Variants in LRRC8C observed in about 807,000 individuals in gnomAD.
LRRC8C encodes the protein leucine rich repeat containing 8 VRAC subunit C.
In LRRC8C, 20 loss-of-function variants were observed where a neutral mutation model predicts 55.3. The ratio of observed to expected loss-of-function variants is 0.36; its 90% CI spans 0.25 to 0.53. The LOEUF (loss-of-function observed/expected upper bound fraction) is 0.53, where lower values mean the gene tolerates loss of function less well. LRRC8C is among the 20% of genes least tolerant of loss of function. The pLI is 0.92. For synonymous variants in LRRC8C, 376 were observed against 360.7 expected, an observed-to-expected ratio of 1.04 and a Z score of -0.48; for missense variants, 659 against 951.4, an observed-to-expected ratio of 0.69 and a Z score of 4.04.
the LRRC8C span, among the ~76,000 whole-genome samples, chr1:89,617,823 G>T: frequency 9.9e-5 from 15 of 152,062 alleles, no homozygotes; most frequent in African/African-American, 3.4e-4. Context: ...CAGAACTCAA[G>T]AAAGCACAGA....
chr1:89,707,349 G>A (rs2101344392), intron 2 of LRRC8C, among the ~76,000 whole-genome samples: 1 of 152,126 alleles, frequency 6.6e-6, no homozygotes. Context: ...GGAGGTTGCA[G>A]TGAGCTGAGA....
In LRRC8C at chr1:89,714,831, T is replaced by C; in HGVS notation, c.2261T>C (p.Leu754Pro). The change falls in exon 3 of 3, where the codon CTT becomes CCT. Residue 754 changes from leucine to proline, a missense_variant. Leu to Pro is a moderately conservative substitution (Grantham distance 98, BLOSUM62 -3). This residue lies in a region of LRRC8C where 344 missense variants were observed against 464.6 expected (regional missense o/e 0.74). Coordinates refer to ENST00000370454, the MANE Select transcript of LRRC8C (RefSeq NM_032270.5). This position sits in a 1 kb window ranked among gnomAD's most constrained non-coding sequence, Gnocchi z 4.6. Reference protein sequence around the residue: ...LSPKIGNLLFLSYLDVKGNHF... With the variant: ...LSPKIGNLLFPSYLDVKGNHF... ...CCGAAAATTGGAAATTTGCTATTTC[T>C]TTCCTACTTAGATGTAAAAGGTAAT... 6.2e-7 allele frequency: 1 copy of C among 1,614,162 alleles called. No individual in the cohort carries two copies. The highest frequency in any genetic ancestry group is 8.5e-7 in the Non-Finnish European group (1 of 1,180,010).
upstream of LRRC8C, chr1:89,632,608 A>C (rs1301090705): frequency 6.6e-6 from 1 of 152,236 alleles, no homozygotes; most frequent in African/African-American, 2.4e-5. Flanking sequence ...CCTTCGGAGG[A>C]GTTCCCAGAA....
chr1:89,706,571 C>T (rs1179783911), intron 2 of LRRC8C, among the ~76,000 whole-genome samples: 1 of 152,086 alleles, frequency 6.6e-6, no homozygotes, highest in Non-Finnish European at 1.5e-5. Flanking sequence ...TATTAAAAGG[C>T]CCGAATTTCA....
At chr1:89,618,924 G>A in the LRRC8C span, among the ~76,000 whole-genome samples, 3 of 152,136 alleles carry the variant, frequency 2.0e-5, no homozygotes, top group African/African-American at 4.8e-5. Flanking sequence ...AACTGTTTCT[G>A]TTTTAAAATT....
At chr1:89,649,473 A>G (rs1172643384) in intron 1 of LRRC8C, among the ~76,000 whole-genome samples, 3 of 152,118 alleles carry the variant, frequency 2.0e-5, no homozygotes, top group African/African-American at 7.2e-5. Context: ...AACTCCAAAC[A>G]TTCCTTCTGT....
intron 1 of LRRC8C, among the ~76,000 whole-genome samples, chr1:89,679,590 C>T (rs533421814): frequency 2.0e-5 from 3 of 152,130 alleles, no homozygotes; most frequent in African/African-American, 7.2e-5. Flanking sequence ...GGAATTAGAA[C>T]TGACCATTGG....
intron 1 of LRRC8C, among the ~76,000 whole-genome samples, chr1:89,649,935 AAAC>A (rs979162252): frequency 6.6e-6 from 1 of 152,204 alleles, no homozygotes; most frequent in Non-Finnish European, 1.5e-5. Context: ...AACACAGGAC[AAAC>A]TTTTGTGACC....
the LRRC8C span, chr1:89,624,792 G>A: frequency 6.6e-6 from 1 of 152,254 alleles, no homozygotes; most frequent in East Asian, 1.9e-4. Context: ...ATGTTGATAG[G>A]TGTAATAAAG....
intron 1 of LRRC8C, among the ~76,000 whole-genome samples, 151 bp downstream of exon 1, chr1:89,633,473 C>A: frequency 6.6e-6 from 1 of 152,332 alleles, no homozygotes; most frequent in East Asian, 1.9e-4. Context: ...TGTGGTTGCC[C>A]GCCCGGCGTG....
the LRRC8C span, among the ~76,000 whole-genome samples, chr1:89,617,973 T>A: frequency 6.6e-6 from 1 of 152,286 alleles, no homozygotes; most frequent in East Asian, 1.9e-4. Flanking sequence ...TTGGTATAAC[T>A]ATATGTTCAC....
intron 1 of LRRC8C, among the ~76,000 whole-genome samples, chr1:89,652,195 A>G (rs1656808876): frequency 6.6e-6 from 1 of 152,348 alleles, no homozygotes; most frequent in African/African-American, 2.4e-5. Context: ...AGATAAAACA[A>G]TGGGAAAAGA....
the LRRC8C span, among the ~76,000 whole-genome samples, chr1:89,619,014 A>ACC: frequency 6.6e-6 from 1 of 152,236 alleles, no homozygotes; most frequent in Non-Finnish European, 1.5e-5. Flanking sequence ...TACTCTGTAG[A>ACC]TCACAAATTT....
chr1:89,658,411 G>T (rs747823097), intron 1 of LRRC8C, among the ~76,000 whole-genome samples: 12 of 152,098 alleles, frequency 7.9e-5, no homozygotes, highest in Non-Finnish European at 1.6e-4. Flanking sequence ...ATCTAAAAAA[G>T]GCTTTAAAAA....
chr1:89,693,726 C>G (rs1044270185), intron 2 of LRRC8C, among the ~76,000 whole-genome samples: 1 of 133,778 alleles, frequency 7.5e-6, no homozygotes, highest in South Asian at 2.4e-4. Context: ...GGCGCGGTCT[C>G]GGCTCACTGC....
intron 1 of LRRC8C, among the ~76,000 whole-genome samples, chr1:89,652,516 G>A (rs1656819174): frequency 1.3e-5 from 2 of 152,152 alleles, no homozygotes; most frequent in South Asian, 4.1e-4. Flanking sequence ...GAACAGAGTT[G>A]GGGCTCTCTG....
At chr1:89,702,353 C>T (rs1216578668) in intron 2 of LRRC8C, among the ~76,000 whole-genome samples, 2 of 151,820 alleles carry the variant, frequency 1.3e-5, no homozygotes, top group Non-Finnish European at 2.9e-5. Context: ...AACACAGATT[C>T]ATGCAAGATG....
At position 89,656,099 on chromosome 1, in the gene LRRC8C, A is replaced by G. The variant is rs908543106; in HGVS notation, c.-5+22777A>G. ...GAGCACAGGGACATTGTAGTAGCTC[A>G]CAACAAAGATTCAACATGAGGGCTC... On this transcript the variant is annotated intron_variant, in intron 1 of 2. Coordinates refer to ENST00000370454, the MANE Select transcript of LRRC8C (RefSeq NM_032270.5). Among the ~76,000 whole-genome samples the G allele has an allele frequency of 2.0e-5, 3 of 152,244 alleles. No homozygotes were observed. The South Asian group carries it at 6.2e-4, about 32-fold the overall frequency.
At chr1:89,634,997 A>G (rs1365466972) in intron 1 of LRRC8C, among the ~76,000 whole-genome samples, 2 of 152,174 alleles carry the variant, frequency 1.3e-5, no homozygotes, top group African/African-American at 4.8e-5. Context: ...TATATTTAAC[A>G]ATTTTCTTAT....
Sources: allele counts gnomAD v4.1 joint callset (sites outside exome capture counted in the v4.1 genomes callset), GRCh38; gene constraint gnomAD v4.1.1; regional missense constraint gnomAD v4.1.1; non-coding constraint Gnocchi (gnomAD v3.1); transcripts MANE v1.5; gene names NCBI Gene and HGNC (gene_info 2026-07-23, HGNC 2026-07-21).